Variants in PRH1 observed in about 807,000 individuals in gnomAD.
PRH1 encodes the protein proline rich protein HaeIII subfamily 1.
A neutral mutation model predicts 7.9 loss-of-function variants in PRH1; 7 were observed. The ratio of observed to expected loss-of-function variants is 0.89; its 90% CI spans 0.50 to 1.67. The LOEUF is 1.67. PRH1 is among the 40% of genes most tolerant of loss of function. The probability of loss-of-function intolerance (pLI) is 0.00; values close to 1 mark genes in which losing one functional copy is unlikely to be tolerated. For missense variants in PRH1, 109 were observed against 223.6 expected (o/e 0.49, Z 3.27); for synonymous variants, 45 against 80.8 (o/e 0.56, Z 2.38).
chr12:11,153,445 A>G lies in PRH1; in HGVS notation n.39+17977T>C, dbSNP rs539539455. Reference sequence around the variant, plus strand: ...GTTAAAGTCAGGAAATTTGCTAAAAAAGAAATAGGAACTTAAAAATTGGGG... The same window carrying G: ...GTTAAAGTCAGGAAATTTGCTAAAAGAGAAATAGGAACTTAAAAATTGGGG... On this transcript the variant is annotated intron_variant and non_coding_transcript_variant, in intron 1 of 1. Coordinates refer to the PRH1 transcript ENST00000541175. Among the ~76,000 whole-genome samples the G allele has an allele frequency of 2.0e-5, 3 of 152,330 alleles. No individual in the cohort carries two copies. The South Asian group carries it at 6.2e-4, about 32-fold the overall frequency.
chr12:11,042,058 T>C (rs530828778), intron 1 of PRH1, among the ~76,000 whole-genome samples: 104 of 152,128 alleles, frequency 6.8e-4, no homozygotes, highest in African/African-American at 2.5e-3. Flanking sequence ...TAATTGTGTA[T>C]CTTAAAGAAC....
chr12:11,162,139 TGAA>T (rs1167752163), intron 1 of PRH1, among the ~76,000 whole-genome samples: 2 of 152,098 alleles, frequency 1.3e-5, no homozygotes, highest in African/African-American at 4.8e-5. Context: ...AGGATAATAA[TGAA>T]GAACATCCAG....
chr12:10,906,600 G>T (rs1364988859), intron 2 of PRH1, among the ~76,000 whole-genome samples: 2 of 152,160 alleles, frequency 1.3e-5, no homozygotes, highest in African/African-American at 2.4e-5. Context: ...AATGATGGGG[G>T]TGGTTTCCCC....
chr12:10,983,789 A>G (rs995307462), intron 1 of PRH1, among the ~76,000 whole-genome samples: 3 of 152,184 alleles, frequency 2.0e-5, no homozygotes, highest in African/African-American at 7.2e-5. Flanking sequence ...TGAAGTGGTC[A>G]TCAGCAGAGT....
At chr12:11,155,239 T>C (rs957037782) in intron 1 of PRH1, among the ~76,000 whole-genome samples, 2 of 152,212 alleles carry the variant, frequency 1.3e-5, no homozygotes, top group Non-Finnish European at 2.9e-5. Flanking sequence ...CCCTAAAGCT[T>C]GGGTCACTTG....
chr12:10,929,321 T>C, intron 2 of PRH1: 1 of 1,614,104 alleles, frequency 6.2e-7, no homozygotes, highest in East Asian at 2.2e-5. Context: ...TCAGCTCAGC[T>C]CAGGACTTAG....
intron 1 of PRH1, among the ~76,000 whole-genome samples, chr12:11,109,666 A>G (rs2599411): frequency 0.46 from 69,158 of 151,948 alleles, 16,556 homozygotes; most frequent in Non-Finnish European, 0.53. Flanking sequence ...CCATCTGAAG[A>G]TCACCAACAT....
chr12:10,925,234 T>C (rs1048067606), intron 2 of PRH1, among the ~76,000 whole-genome samples: 2 of 152,180 alleles, frequency 1.3e-5, no homozygotes, highest in Admixed American at 1.3e-4. Flanking sequence ...TGAGCTCAGA[T>C]AACACCTTAG....
intron 1 of PRH1, among the ~76,000 whole-genome samples, chr12:11,070,815 CT>C (rs1944031284): frequency 6.9e-6 from 1 of 145,406 alleles, no homozygotes; most frequent in African/African-American, 2.5e-5. Context: ...TTTTAATTTT[CT>C]TTTGTTTTCT....
At chr12:11,124,943 A>G (rs756014395) in intron 1 of PRH1, among the ~76,000 whole-genome samples, 1 of 152,062 alleles carries the variant, frequency 6.6e-6, no homozygotes, top group Non-Finnish European at 1.5e-5. Context: ...CCCTGGTTCA[A>G]TTGATTATCC....
chr12:10,960,969 G>A (rs183965960), intron 2 of PRH1, among the ~76,000 whole-genome samples: 43 of 152,268 alleles, frequency 2.8e-4, no homozygotes, highest in Admixed American at 1.7e-3. Context: ...CCTCATTTGA[G>A]GATATTGCTC....
intron 1 of PRH1, among the ~76,000 whole-genome samples, chr12:11,145,344 C>T (rs915304871): frequency 1.3e-5 from 2 of 152,124 alleles, no homozygotes; most frequent in African/African-American, 4.8e-5. Flanking sequence ...AGATACATAA[C>T]ACCATGCATG....
chr12:11,006,817 A>G (rs1341806574), intron 1 of PRH1, among the ~76,000 whole-genome samples: 2 of 152,112 alleles, frequency 1.3e-5, no homozygotes, highest in African/African-American at 4.8e-5. Flanking sequence ...GGATGAGTTC[A>G]ATGCTGCATT....
chr12:11,039,730 C>A (rs1488950357), intron 1 of PRH1, among the ~76,000 whole-genome samples: 1 of 152,224 alleles, frequency 6.6e-6, no homozygotes, highest in Non-Finnish European at 1.5e-5. Flanking sequence ...TTCTTGGGAA[C>A]CTCAGAAAGG....
chr12:10,922,005 A>G (rs1460034043), intron 2 of PRH1, among the ~76,000 whole-genome samples: 2 of 152,104 alleles, frequency 1.3e-5, no homozygotes, highest in African/African-American at 4.8e-5. Context: ...TCCTGAACTC[A>G]AGCATCCACC....
intron 1 of PRH1, among the ~76,000 whole-genome samples, chr12:11,017,730 T>G (rs1446671207): frequency 6.6e-6 from 1 of 152,076 alleles, no homozygotes; most frequent in African/African-American, 2.4e-5. Flanking sequence ...TGGCCTCCAG[T>G]GATCTGCCTG....
intron 1 of PRH1, chr12:10,997,297 T>G: frequency 6.2e-7 from 1 of 1,614,140 alleles, no homozygotes; most frequent in Non-Finnish European, 8.5e-7. Context: ...GCAGAAAAGA[T>G]ATCAGGGTCA....
chr12:10,989,774 G>T (rs531602175), intron 1 of PRH1, among the ~76,000 whole-genome samples: 1 of 151,928 alleles, frequency 6.6e-6, no homozygotes, highest in Non-Finnish European at 1.5e-5. Flanking sequence ...GTTAAAGTCC[G>T]CTATGGTTTT....
At chr12:11,118,753 G>C (rs1205899566), downstream of PRH1, among the ~76,000 whole-genome samples, 1 of 152,128 alleles carries the variant, frequency 6.6e-6, no homozygotes, top group Non-Finnish European at 1.5e-5. Flanking sequence ...CCAGCACTTT[G>C]GGAGGCCGAG....
Sources: gnomAD v4.1 joint callset for allele counts (sites outside exome capture counted in the v4.1 genomes callset) on GRCh38, gnomAD v4.1.1 for gene constraint, MANE v1.5 for transcripts, NCBI Gene and HGNC (gene_info 2026-07-23, HGNC 2026-07-21) for gene names.